RASGRF1: variants seen among roughly 807,000 people sequenced by gnomAD.
RASGRF1 encodes the protein ras-specific guanine nucleotide-releasing factor 1.
RASGRF1 carries 40 observed loss-of-function variants against 138.7 expected under a neutral mutation model. The observed-to-expected ratio is 0.29, with a 90% confidence interval of 0.22 to 0.38. The LOEUF is 0.38. RASGRF1 is among the 10% of genes least tolerant of loss of function. The probability of loss-of-function intolerance (pLI) is 1.00; values close to 1 mark genes in which losing one functional copy is unlikely to be tolerated. For synonymous variants in RASGRF1, 614 were observed against 663.2 expected, an observed-to-expected ratio of 0.93 and a Z score of 1.14; for missense variants, 1,108 against 1,650.4, an observed-to-expected ratio of 0.67 and a Z score of 5.69.
chr15:78,986,493 C>T (rs1226383265), intron 22 of RASGRF1, among the ~76,000 whole-genome samples: 1 of 151,778 alleles, frequency 6.6e-6, no homozygotes, highest in Non-Finnish European at 1.5e-5. Context: ...ATTACAGGCA[C>T]ACACCACCAT....
chr15:79,054,177 C>T (rs560400448), intron 3 of RASGRF1, among the ~76,000 whole-genome samples: 2 of 152,264 alleles, frequency 1.3e-5, no homozygotes, highest in African/African-American at 2.4e-5. Context: ...TCACTGGATG[C>T]AGGGGGAAGA....
intron 3 of RASGRF1, among the ~76,000 whole-genome samples, chr15:79,052,075 A>G (rs1218156029): frequency 6.6e-6 from 1 of 152,114 alleles, no homozygotes; most frequent in South Asian, 2.1e-4. Flanking sequence ...CCTCTGGCTC[A>G]CACCCTGACT....
intron 13 of RASGRF1, among the ~76,000 whole-genome samples, chr15:79,009,169 C>T (rs1296229513): frequency 6.6e-6 from 1 of 152,156 alleles, no homozygotes. Context: ...TCTGATAGGA[C>T]CTCACAGAAG....
At chr15:78,997,818 A>C in intron 19 of RASGRF1, 1 of 429,960 alleles carries the variant, frequency 2.3e-6, no homozygotes, top group Non-Finnish European at 4.2e-6. Flanking sequence ...GACAGGGGTT[A>C]GCAGCTGTGG....
rs1021170651 is a variant in RASGRF1 at position 79,027,463 on chromosome 15, T to G, written c.1381+278A>C. On this transcript the variant is annotated intron_variant, in intron 9 of 26. Transcript: ENST00000558480. This position sits in a 1 kb window ranked among gnomAD's most constrained non-coding sequence, Gnocchi z 4.8. The stretch of plus-strand genomic sequence containing the variant: ...GGACATGTCGATGTTTACTATGACA[T>G]ACAATAGACAAACCAAGGCCATCTG... 4.6e-5 allele frequency among the ~76,000 whole-genome samples: 7 copies of G among 152,352 alleles called. No individual in the cohort carries two copies. The highest frequency in any genetic ancestry group is 3.3e-4 in the Admixed American group (5 of 15,298).
chr15:79,078,553 C>T (rs367825398), intron 1 of RASGRF1, among the ~76,000 whole-genome samples: 4 of 152,174 alleles, frequency 2.6e-5, no homozygotes, highest in African/African-American at 9.7e-5. Flanking sequence ...GAAGTATCAG[C>T]TTCTCCCATG....
intron 1 of RASGRF1, among the ~76,000 whole-genome samples, chr15:79,070,795 T>C (rs190199898): frequency 6.9e-4 from 105 of 152,350 alleles, no homozygotes; most frequent in Non-Finnish European, 1.0e-3. Context: ...GGTGCCTACT[T>C]TGAAGCACAG....
At chr15:79,023,035 A>T (rs1209971632) in intron 10 of RASGRF1, among the ~76,000 whole-genome samples, 1 of 152,194 alleles carries the variant, frequency 6.6e-6, no homozygotes, top group South Asian at 2.1e-4. Flanking sequence ...TTAGCCGGGC[A>T]TGGTGGTGGG....
At chr15:79,076,814 A>G (rs1211356035) in intron 1 of RASGRF1, among the ~76,000 whole-genome samples, 2 of 152,342 alleles carry the variant, frequency 1.3e-5, no homozygotes, top group African/African-American at 4.8e-5. Context: ...TTTCAAAGAA[A>G]TGATTCCTGA....
At chr15:79,076,216 A>G (rs1042013188) in intron 1 of RASGRF1, among the ~76,000 whole-genome samples, 4 of 145,626 alleles carry the variant, frequency 2.7e-5, no homozygotes, top group Non-Finnish European at 6.1e-5. Context: ...CAGGCTACAC[A>G]TTAGCGATGT....
chr15:78,985,499 G>C, intron 22 of RASGRF1: 1 of 256,756 alleles, frequency 3.9e-6, no homozygotes, highest in Non-Finnish European at 7.4e-6. Context: ...TATGTAGGAT[G>C]GAAAAAACAG....
At position 78,962,248 on chromosome 15, in the gene RASGRF1, A is replaced by G; in HGVS notation, c.3682-12T>C. ...AAATATTGCGTTACCTGAGAAAAGA[A>G]AAGAGAAAAGGGAATGGGAGGGTTG... is the stretch of plus-strand genomic sequence containing the variant. On this transcript the variant is annotated splice_polypyrimidine_tract_variant and intron_variant, in intron 26 of 26. Transcript: ENST00000558480. The G allele has an allele frequency of 6.7e-7, 1 of 1,503,378 alleles. No homozygotes were observed. Among genetic ancestry groups the G allele is most frequent in the Non-Finnish European group, 9.1e-7 (1 of 1,097,144 alleles). 93.1% of individuals were successfully genotyped at this position (1,503,378 alleles called of 1,614,324 possible).
At chr15:78,982,668 T>C (rs1460676044) in intron 23 of RASGRF1, among the ~76,000 whole-genome samples, 1 of 152,054 alleles carries the variant, frequency 6.6e-6, no homozygotes. Flanking sequence ...AAAGATGATT[T>C]TGTGGTCTCC....
intron 19 of RASGRF1, chr15:78,997,892 G>A (rs1200858859): frequency 3.4e-6 from 2 of 584,444 alleles, no homozygotes; most frequent in Non-Finnish European, 6.1e-6. Context: ...GCAGGGTGGG[G>A]AGAGAGGAAA....
chr15:78,993,207 G>GT (rs2056310989), intron 20 of RASGRF1, among the ~76,000 whole-genome samples: 2 of 84,674 alleles, frequency 2.4e-5, no homozygotes, highest in Admixed American at 2.0e-4. Flanking sequence ...TGTATGTGGT[G>GT]TGTGTGCGTG....
In RASGRF1 at chr15:79,006,514, C is replaced by T. The variant is rs909759582; in HGVS notation, c.1827-80G>A. The T allele has an allele frequency of 8.0e-6, 12 of 1,492,134 alleles. No homozygotes were observed. The Middle Eastern group carries it at 7.6e-4, about 94-fold the overall frequency. The allele number at this position is 1,492,134 out of a possible 1,614,324, so 92.4% of individuals were successfully genotyped here. ...CACCCACCAGGCCTGCTCATCACTGCTTCCCCCACACACTGACAACACAGG... is the reference window on the plus strand; with the variant it reads ...CACCCACCAGGCCTGCTCATCACTGTTTCCCCCACACACTGACAACACAGG... On this transcript the variant is annotated intron_variant, in intron 13 of 26. Coordinates refer to ENST00000558480, the MANE Select transcript of RASGRF1 (RefSeq NM_001145648.3). The surrounding 1 kb of genome is among the most constrained non-coding windows in gnomAD (Gnocchi z 4.0).
rs113840101 is a variant in RASGRF1 at position 78,995,580 on chromosome 15, C to T, written c.3027+160G>A. ...CTGGGATTACAGGCATGAGCCACTG[C>T]GCTCAGCCCATTCCTGTTGTTTTAA... On this transcript the variant is annotated intron_variant, in intron 20 of 26. Transcript: ENST00000558480. 7.5e-3 allele frequency among the ~76,000 whole-genome samples: 1,149 copies of T among 152,318 alleles called. 13 individuals carry two copies. Among genetic ancestry groups the T allele is most frequent in the South Asian group, 0.024 (116 of 4,826 alleles).
intron 1 of RASGRF1, among the ~76,000 whole-genome samples, chr15:79,072,807 G>A (rs2057780086): frequency 6.6e-6 from 1 of 152,148 alleles, no homozygotes; most frequent in Admixed American, 6.5e-5. Context: ...CTCACACTGG[G>A]GGCAACACTG....
At chr15:78,966,263 A>T (rs1032204813) in intron 26 of RASGRF1, among the ~76,000 whole-genome samples, 1 of 128,812 alleles carries the variant, frequency 7.8e-6, no homozygotes, top group Non-Finnish European at 1.6e-5. Context: ...CAGAGTCAGG[A>T]TCCCACTCTG....
Sources: allele counts gnomAD v4.1 joint callset (sites outside exome capture counted in the v4.1 genomes callset), GRCh38; gene constraint gnomAD v4.1.1; non-coding constraint Gnocchi (gnomAD v3.1); transcripts MANE v1.5; gene names NCBI Gene and HGNC (gene_info 2026-07-23, HGNC 2026-07-21).